The following NRF1 variants were observed in gnomAD, a reference collection of about 807,000 sequenced individuals.
NRF1 encodes nuclear respiratory factor 1.
NRF1 carries 5 observed loss-of-function variants against 58.5 expected under a neutral mutation model. The observed-to-expected ratio is 0.09, with a 90% CI of 0.04 to 0.18. NRF1 has a LOEUF of 0.18. NRF1 is among the 10% of genes least tolerant of loss of function. The pLI is 1.00. For synonymous variants in NRF1, 224 were observed against 246.7 expected (o/e 0.91, Z 0.86); for missense variants, 288 against 657.7 (o/e 0.44, Z 6.15).
intron 1 of NRF1, among the ~76,000 whole-genome samples, chr7:129,618,228 G>A (rs1055440886): frequency 2.0e-5 from 3 of 152,132 alleles, no homozygotes; most frequent in African/African-American, 7.2e-5. Context: ...TTAAGATAGG[G>A]AATGTATAGG....
At position 129,711,583 on chromosome 7, in the gene NRF1, A is replaced by C; in HGVS notation, c.1065+7A>C. 1 of 1,601,028 alleles carries C rather than the reference A, an allele frequency of 6.2e-7. No individual in the cohort carries two copies. The highest frequency in any genetic ancestry group is 8.5e-7 in the Non-Finnish European group (1 of 1,170,958). On this transcript the variant is annotated splice_region_variant and intron_variant, in intron 8 of 10. Transcript: ENST00000393232. ...TGCCGTGGCTGATGGAGAGGTAAGAAAGAGATTCCATCTGCATCTTCTTAA... is the reference window on the plus strand; with the variant it reads ...TGCCGTGGCTGATGGAGAGGTAAGACAGAGATTCCATCTGCATCTTCTTAA...
At chr7:129,679,890 T>C (rs533324065) in intron 4 of NRF1, among the ~76,000 whole-genome samples, 138 of 151,712 alleles carry the variant, frequency 9.1e-4, no homozygotes, top group African/African-American at 3.0e-3. Context: ...AAACCCCATC[T>C]CTACTAAAAA....
chr7:129,668,043 C>T (rs569196704), intron 2 of NRF1, among the ~76,000 whole-genome samples: 25 of 152,216 alleles, frequency 1.6e-4, no homozygotes, highest in African/African-American at 5.5e-4. Context: ...GGATTACAAG[C>T]TTTCTTTTGT....
intron 10 of NRF1, among the ~76,000 whole-genome samples, chr7:129,751,043 A>C (rs1804103406): frequency 6.6e-6 from 1 of 152,230 alleles, no homozygotes; most frequent in Admixed American, 6.5e-5. Flanking sequence ...ACGAGCAGTG[A>C]GGATGAATGA....
intron 4 of NRF1, among the ~76,000 whole-genome samples, chr7:129,678,488 C>T (rs968170193): frequency 2.0e-5 from 3 of 152,054 alleles, no homozygotes; most frequent in South Asian, 2.1e-4. Flanking sequence ...ATCAATTGAT[C>T]GAAATTCTGT....
chr7:129,680,407 G>A (rs1245169678), intron 4 of NRF1, among the ~76,000 whole-genome samples: 1 of 152,176 alleles, frequency 6.6e-6, no homozygotes, highest in East Asian at 1.9e-4. Flanking sequence ...AATGGTAAAA[G>A]TAAAGTTGCC....
At chr7:129,641,287 C>T (rs573771683) in intron 1 of NRF1, among the ~76,000 whole-genome samples, 1 of 152,224 alleles carries the variant, frequency 6.6e-6, no homozygotes, top group South Asian at 2.1e-4. Flanking sequence ...CTTTGAAAGT[C>T]ATTTATTAAT....
intron 1 of NRF1, among the ~76,000 whole-genome samples, chr7:129,622,424 A>G (rs1800819837): frequency 6.6e-6 from 1 of 152,180 alleles, no homozygotes; most frequent in Non-Finnish European, 1.5e-5. Flanking sequence ...AGTCTGTGTT[A>G]CATGTTAAAC....
At chr7:129,694,295 C>T (rs373735319) in intron 5 of NRF1, among the ~76,000 whole-genome samples, 8 of 152,246 alleles carry the variant, frequency 5.3e-5, no homozygotes, top group African/African-American at 9.6e-5. Context: ...CCCCCCTCAA[C>T]GTTTTATTGT....
At chr7:129,747,355 C>CT (rs1803999656) in intron 10 of NRF1, among the ~76,000 whole-genome samples, 1 of 152,162 alleles carries the variant, frequency 6.6e-6, no homozygotes, top group African/African-American at 2.4e-5. Flanking sequence ...TGGCTGTTAT[C>CT]TTTAATCTTT....
At chr7:129,704,644 T>C (rs951760061) in intron 5 of NRF1, among the ~76,000 whole-genome samples, 3 of 152,348 alleles carry the variant, frequency 2.0e-5, no homozygotes, top group South Asian at 2.1e-4. Flanking sequence ...ATCTTGGGGA[T>C]AGGACCACAA....
intron 2 of NRF1, among the ~76,000 whole-genome samples, chr7:129,663,224 A>G (rs1801826942): frequency 6.6e-6 from 1 of 151,536 alleles, no homozygotes; most frequent in African/African-American, 2.4e-5. Flanking sequence ...TCTTTTCGAC[A>G]AAACCGCCAT....
In NRF1 at chr7:129,755,270, T is replaced by G; in HGVS notation, c.*89T>G. On this transcript the variant is annotated 3_prime_UTR_variant, in exon 11 of 11. Coordinates refer to ENST00000393232, the MANE Select transcript of NRF1 (RefSeq NM_005011.5). The surrounding 1 kb of genome is among the most constrained non-coding windows in gnomAD (Gnocchi z 5.8). Reference sequence around the variant, plus strand: ...GTGCAATCAAATGGAATTAAGTCTCTCGACTTTGGAAGGAAAGTTTTGTTA... The same window carrying G: ...GTGCAATCAAATGGAATTAAGTCTCGCGACTTTGGAAGGAAAGTTTTGTTA... 4.3e-6 allele frequency: 5 copies of G among 1,172,640 alleles called. No homozygotes were observed. The highest frequency in any genetic ancestry group is 5.6e-6 in the Non-Finnish European group (5 of 887,576). The allele number at this position is 1,172,640 out of a possible 1,614,324, so 72.6% of individuals were successfully genotyped here. A position where few individuals can be genotyped will look rare whatever the true frequency, so the allele number is the denominator to read the frequency against.
chr7:129,743,952 C>G (rs34783564), intron 10 of NRF1, among the ~76,000 whole-genome samples: 19,485 of 152,202 alleles, frequency 0.13, 1,601 homozygotes, highest in Admixed American at 0.23. Flanking sequence ...GAAATGACCT[C>G]CTCTCCCTTC....
intron 1 of NRF1, among the ~76,000 whole-genome samples, chr7:129,644,326 C>T (rs749002699): frequency 9.9e-5 from 15 of 152,266 alleles, no homozygotes; most frequent in Admixed American, 3.9e-4. Flanking sequence ...TGACTGTGAA[C>T]GTCTGTAGGG....
At chr7:129,727,911 C>G (rs1271366836) in intron 10 of NRF1, among the ~76,000 whole-genome samples, 1 of 152,136 alleles carries the variant, frequency 6.6e-6, no homozygotes, top group African/African-American at 2.4e-5. Context: ...ATTACATGCC[C>G]CTACCCTGAG....
chr7:129,634,061 T>TATATATATACACAC (rs764569771), intron 1 of NRF1, among the ~76,000 whole-genome samples: 2 of 131,462 alleles, frequency 1.5e-5, no homozygotes, highest in African/African-American at 5.8e-5. Flanking sequence ...TATATATATA[T>TATATATATACACAC]ACACACACAC....
At chr7:129,736,036 A>T (rs2116279479) in intron 10 of NRF1, among the ~76,000 whole-genome samples, 1 of 152,198 alleles carries the variant, frequency 6.6e-6, no homozygotes, top group Non-Finnish European at 1.5e-5. Context: ...AAAATAAAAA[A>T]ATAAAATTAT....
intron 1 of NRF1, among the ~76,000 whole-genome samples, chr7:129,637,568 T>C (rs554147825): frequency 6.6e-6 from 1 of 152,366 alleles, no homozygotes; most frequent in South Asian, 2.1e-4. Flanking sequence ...ATAAAAAGTA[T>C]TCTTAATAGT....
Sources: allele counts gnomAD v4.1 joint callset (sites outside exome capture counted in the v4.1 genomes callset), GRCh38; gene constraint gnomAD v4.1.1; non-coding constraint Gnocchi (gnomAD v3.1); transcripts MANE v1.5; gene names NCBI Gene and HGNC (gene_info 2026-07-23, HGNC 2026-07-21).